RAB11FIP3: variants seen among roughly 807,000 people sequenced by gnomAD.
RAB11FIP3 encodes the protein RAB11 family interacting protein 3.
RAB11FIP3 carries 17 observed loss-of-function variants against 77.8 expected under a neutral mutation model. The ratio of observed to expected loss-of-function variants is 0.22; its 90% confidence interval spans 0.15 to 0.33. The LOEUF (loss-of-function observed/expected upper bound fraction) is 0.33. Among genes scored for constraint, RAB11FIP3 ranks in the 10% least tolerant of loss-of-function variants. The pLI, the probability that RAB11FIP3 is intolerant of heterozygous loss-of-function variation, is 1.00. For synonymous variants in RAB11FIP3, 437 were observed against 448.2 expected (o/e 0.98, Z 0.31); for missense variants, 1,005 against 1,011.2 (o/e 0.99, Z 0.08).
intron 5 of RAB11FIP3, among the ~76,000 whole-genome samples, chr16:496,531 G>A (rs1367963149): frequency 6.6e-6 from 1 of 152,228 alleles, no homozygotes; most frequent in African/African-American, 2.4e-5. Flanking sequence ...GCAGCCAGCG[G>A]GTGGGACCAG....
intron 2 of RAB11FIP3, among the ~76,000 whole-genome samples, chr16:467,960 T>G (rs369913097): frequency 1.5e-4 from 7 of 46,360 alleles, no homozygotes; most frequent in African/African-American, 3.4e-4. Context: ...GAGGAGGTGC[T>G]GGGGCGTCAG....
intron 5 of RAB11FIP3, chr16:491,333 G>T (rs1324981137): frequency 1.6e-6 from 2 of 1,271,624 alleles, no homozygotes; most frequent in South Asian, 1.3e-5. Context: ...GATACCCACA[G>T]CCCCCTTGAG....
At chr16:508,377 T>C (rs958713726) in intron 8 of RAB11FIP3, among the ~76,000 whole-genome samples, 1 of 152,162 alleles carries the variant, frequency 6.6e-6, no homozygotes, top group Non-Finnish European at 1.5e-5. Flanking sequence ...TTTGTTTTGT[T>C]TTGTTTTGTT....
In RAB11FIP3 at chr16:501,100, G is replaced by A. The variant is rs1122690; in HGVS notation, c.1302-1904G>A. ...TTCACAGGGCTTGTCTCCTCAGAGC[G>A]TTTATGGGGAAAAAGATGGAAATGT... On this transcript the variant is annotated intron_variant, in intron 6 of 13. Coordinates refer to ENST00000262305, the MANE Select transcript of RAB11FIP3 (RefSeq NM_014700.4). Among the ~76,000 whole-genome samples, 359 of 152,332 alleles carry A rather than the reference G, an allele frequency of 2.4e-3. 7 individuals carry two copies. Among genetic ancestry groups the A allele is most frequent in the African/African-American group, 8.3e-3 (345 of 41,570 alleles).
At chr16:438,404 CT>C (rs753481865) in intron 1 of RAB11FIP3, among the ~76,000 whole-genome samples, 71 of 118,824 alleles carry the variant, frequency 6.0e-4, no homozygotes, top group Middle Eastern at 5.2e-3. Context: ...CTGCGTCCGG[CT>C]TTTTTTTTTT....
chr16:425,959 C>G lies in RAB11FIP3; in HGVS notation c.-48C>G. 1.3e-6 allele frequency: 1 copy of G among 760,360 alleles called. No homozygotes were observed. The highest frequency in any genetic ancestry group is 1.5e-6 in the Non-Finnish European group (1 of 662,804). The allele number at this position is 760,360 out of a possible 1,614,324, so 47.1% of individuals were successfully genotyped here. On this transcript the variant is annotated 5_prime_UTR_variant, in exon 1 of 14. Transcript: ENST00000262305. ...CGCGCCCGCCGCCGCGCCCTGAGCG[C>G]CTTTGTCTGCCGCCCGCGCCCTTCC...
At chr16:503,244 G>T in intron 7 of RAB11FIP3, 147 bp downstream of exon 7, 2 of 618,334 alleles carry the variant, frequency 3.2e-6, no homozygotes, top group Non-Finnish European at 5.5e-6. Flanking sequence ...TGTCCATCCA[G>T]CCCCGATGCT....
chr16:517,677 T>A (rs553910855), intron 9 of RAB11FIP3, among the ~76,000 whole-genome samples: 1 of 152,350 alleles, frequency 6.6e-6, no homozygotes, highest in East Asian at 1.9e-4. Context: ...CCAATGTGGC[T>A]CTGTGACTGT....
At position 482,538 on chromosome 16, in the gene RAB11FIP3, C is replaced by G. The variant is rs1391276931; in HGVS notation, c.917C>G (p.Thr306Arg). 6.2e-7 allele frequency: 1 copy of G among 1,613,522 alleles called. No individual in the cohort carries two copies. The stretch of plus-strand genomic sequence containing the variant: ...ACTCTCTCCTAGGCCAACGAGGTGA[C>G]GGACAGCGCGTACATGGGCTCCGAG... ...DFVTYEANEVTDSAYMGSEST... is the reference protein window; with the variant it reads ...DFVTYEANEVRDSAYMGSEST... Residue 306 changes from threonine (T) to arginine (R), a missense_variant, in exon 4 of 14, where the codon ACG (threonine) becomes AGG (arginine). Thr to Arg is a moderately conservative substitution (Grantham distance 71). This residue lies in a region of RAB11FIP3 where 16 missense variants were observed against 37.1 expected (regional missense o/e 0.43). Coordinates refer to ENST00000262305, the MANE Select transcript of RAB11FIP3 (RefSeq NM_014700.4).
chr16:460,929 G>A (rs74000600), intron 1 of RAB11FIP3, among the ~76,000 whole-genome samples: 3,720 of 152,290 alleles, frequency 0.024, 125 homozygotes, highest in African/African-American at 0.076. Flanking sequence ...CCTCCTGCAC[G>A]TGAGGAGTCA....
At chr16:454,034 G>T (rs1188776691) in intron 1 of RAB11FIP3, among the ~76,000 whole-genome samples, 1 of 152,088 alleles carries the variant, frequency 6.6e-6, no homozygotes, top group African/African-American at 2.4e-5. Flanking sequence ...TAGCTTTTAA[G>T]TTGCCAAGAA....
chr16:448,325 C>T (rs900884385), intron 1 of RAB11FIP3, among the ~76,000 whole-genome samples: 9 of 151,038 alleles, frequency 6.0e-5, no homozygotes, highest in African/African-American at 1.9e-4. Context: ...AAAAAATAGC[C>T]GGGCGCAGTG....
intron 3 of RAB11FIP3, among the ~76,000 whole-genome samples, chr16:473,059 G>C (rs948619351): frequency 6.6e-6 from 1 of 152,130 alleles, no homozygotes; most frequent in Non-Finnish European, 1.5e-5. Context: ...TTTGGACTTC[G>C]GGCCTCCAGA....
chr16:492,428 C>G lies in RAB11FIP3; in HGVS notation c.1265+3428C>G, dbSNP rs866812149. 2.7e-3 allele frequency among the ~76,000 whole-genome samples: 332 copies of G among 124,420 alleles called. 10 individuals carry two copies. The highest frequency in any genetic ancestry group is 6.8e-3 in the African/African-American group (216 of 31,808). 81.6% of individuals were successfully genotyped at this position (124,420 alleles called of 152,430 possible). ...ACCCGAGGCCGCCCAGGGCCCTCCC[C>G]GGGAGACCCGAGGCCGCCCAGGGCC... On this transcript the variant is annotated intron_variant, in intron 5 of 13. Coordinates refer to ENST00000262305, the MANE Select transcript of RAB11FIP3 (RefSeq NM_014700.4).
intron 1 of RAB11FIP3, among the ~76,000 whole-genome samples, chr16:447,418 A>G (rs924975948): frequency 2.6e-5 from 4 of 152,136 alleles, no homozygotes; most frequent in Admixed American, 6.6e-5. Context: ...ACAGGTGTGC[A>G]CCACTGCACC....
At chr16:445,563 C>T (rs143537327) in intron 1 of RAB11FIP3, among the ~76,000 whole-genome samples, 62 of 152,322 alleles carry the variant, frequency 4.1e-4, no homozygotes, top group African/African-American at 1.5e-3. Context: ...CCCTTGCCCA[C>T]CCAAGGGAGT....
intron 9 of RAB11FIP3, among the ~76,000 whole-genome samples, chr16:511,831 T>C (rs35151377): frequency 5.5e-4 from 48 of 87,372 alleles, no homozygotes; most frequent in Middle Eastern, 0.01. Flanking sequence ...GAGAGGTTCC[T>C]GACGGCCCGC....
chr16:427,854 C>T (rs965864721), intron 1 of RAB11FIP3, among the ~76,000 whole-genome samples: 1 of 151,624 alleles, frequency 6.6e-6, no homozygotes, highest in South Asian at 2.1e-4. Flanking sequence ...AATCCCAGCA[C>T]TTTAGGAGGC....
In RAB11FIP3 at chr16:488,984, G is replaced by A. The variant is rs748505585; in HGVS notation, c.1249G>A (p.Ala417Thr). The change falls in exon 5 of 14, where the codon GCT becomes ACT. Residue 417 changes from alanine to threonine, a missense_variant. By Grantham distance (58) the Ala-to-Thr change is moderately conservative (BLOSUM62 0). Transcript: ENST00000262305. ...CNGQLGCSDP[A>T]FLTPSPTKRL... is the part of the protein sequence containing the mutation. The stretch of plus-strand genomic sequence containing the variant: ...CGGGCAGCTGGGCTGCAGTGACCCC[G>A]CTTTCCTCACGCCCAGGTAATGACG... 6.2e-6 allele frequency: 10 copies of A among 1,613,722 alleles called. No homozygotes were observed. Among genetic ancestry groups the A allele is most frequent in the East Asian group, 2.2e-5 (1 of 44,872 alleles).
Sources: gnomAD v4.1 joint callset for allele counts (sites outside exome capture counted in the v4.1 genomes callset) on GRCh38, gnomAD v4.1.1 for gene constraint, gnomAD v4.1.1 regional missense constraint, MANE v1.5 for transcripts, NCBI Gene and HGNC (gene_info 2026-07-23, HGNC 2026-07-21) for gene names.